Variants in TRPV4 observed in about 807,000 individuals in gnomAD.
TRPV4 encodes the protein transient receptor potential cation channel subfamily V member 4, also known as OSM9-like transient receptor potential channel 4.
A neutral mutation model predicts 84.1 loss-of-function variants in TRPV4; 58 were observed. The ratio of observed to expected loss-of-function variants is 0.69; its 90% CI spans 0.56 to 0.86. TRPV4 has a LOEUF of 0.86. Ranked by LOEUF, TRPV4 falls within the 40% of genes least tolerant of loss-of-function variation. The probability of loss-of-function intolerance (pLI) is 0.00; values close to 1 mark genes in which losing one functional copy is unlikely to be tolerated. For missense variants in TRPV4, 879 were observed against 1,181.1 expected (o/e 0.74, Z 3.75); for synonymous variants, 489 against 500.9 (o/e 0.98, Z 0.32).
chr12:109,800,576 C>A (rs1288196695), intron 5 of TRPV4, 42 bp downstream of exon 5: 1 of 1,612,732 alleles, frequency 6.2e-7, no homozygotes, highest in East Asian at 2.2e-5. Flanking sequence ...TCCCGCCATG[C>A]TTCTCCAGCA....
Position 109,796,758 on chromosome 12 carries a change from C to T in TRPV4, c.1153-54G>A. On this transcript the variant is annotated intron_variant, in intron 6 of 15. Transcript: ENST00000261740. This position sits in a 1 kb window ranked among gnomAD's most constrained non-coding sequence, Gnocchi z 4.2. ...GCTCACACTGGAAAGACCCCCAGGGCTGGGCCCAGCTCAGCACATGACGCC... is the reference window on the plus strand; with the variant it reads ...GCTCACACTGGAAAGACCCCCAGGGTTGGGCCCAGCTCAGCACATGACGCC... 1 of 1,564,592 alleles carries T rather than the reference C, an allele frequency of 6.4e-7. No individual in the cohort carries two copies. The highest frequency in any genetic ancestry group is 8.7e-7 in the Non-Finnish European group (1 of 1,153,882).
rs145784764 is a variant in TRPV4 at position 109,829,090 on chromosome 12, T to C, written c.-32+4260A>G. ...GGGAGGCTGAAGTAGGAGGATCTCTTGAGCCCAGGAGTTCGAGGCTGCTGT... is the reference window on the plus strand; with the variant it reads ...GGGAGGCTGAAGTAGGAGGATCTCTCGAGCCCAGGAGTTCGAGGCTGCTGT... On this transcript the variant is annotated intron_variant, in intron 1 of 15. Coordinates refer to ENST00000261740, the MANE Select transcript of TRPV4 (RefSeq NM_021625.5). 9.2e-4 allele frequency among the ~76,000 whole-genome samples: 140 copies of C among 152,194 alleles called. No homozygotes were observed. In the East Asian group the frequency reaches 0.01, roughly 11 times the overall value.
At chr12:109,811,345 G>A (rs1480214409) in intron 2 of TRPV4, among the ~76,000 whole-genome samples, 3 of 152,206 alleles carry the variant, frequency 2.0e-5, no homozygotes, top group Non-Finnish European at 2.9e-5. Flanking sequence ...CCACTGACTG[G>A]CAGACAGTGG....
chr12:109,800,904 A>G (rs1273765736), intron 4 of TRPV4, 146 bp from the exon 5 acceptor site: 7 of 748,408 alleles, frequency 9.4e-6, no homozygotes, highest in African/African-American at 6.8e-5. Context: ...AAGGGCAGCA[A>G]ATAGGTCCTT....
At chr12:109,809,213 T>C (rs1891354330) in intron 2 of TRPV4, among the ~76,000 whole-genome samples, 1 of 129,422 alleles carries the variant, frequency 7.7e-6, no homozygotes, top group African/African-American at 3.0e-5. Context: ...CGTCCATCAC[T>C]CATCCATCCA....
intron 3 of TRPV4, among the ~76,000 whole-genome samples, chr12:109,806,358 C>CTT (rs60159775): frequency 0.035 from 4,014 of 115,370 alleles, 197 homozygotes; most frequent in African/African-American, 0.097. Flanking sequence ...CTAAGCCTGG[C>CTT]TTTTTTTTTT....
intron 2 of TRPV4, among the ~76,000 whole-genome samples, chr12:109,810,884 C>T (rs1036674903): frequency 6.6e-6 from 1 of 152,156 alleles, no homozygotes; most frequent in Non-Finnish European, 1.5e-5. Context: ...CAGCTTTCAA[C>T]AGGACCTGGG....
At chr12:109,792,516 C>G in intron 11 of TRPV4, 87 bp from the exon 12 acceptor site, 1 of 1,570,796 alleles carries the variant, frequency 6.4e-7, no homozygotes, top group Non-Finnish European at 8.8e-7. Flanking sequence ...CCTGGTCCCA[C>G]CCCAGTGTCC....
At position 109,815,890 on chromosome 12, in the gene TRPV4, C is replaced by T. The variant is rs11068432; in HGVS notation, c.-31-1063G>A. ...ACTTGAACCATGTCTCTCTGGCTCC[C>T]GGGTCCAGTGCTTAGCCAGGAGCCA... On this transcript the variant is annotated intron_variant, in intron 1 of 15. Transcript: ENST00000261740. The surrounding 1 kb of genome is among the most constrained non-coding windows in gnomAD (Gnocchi z 4.1). Among the ~76,000 whole-genome samples, 16 of 152,240 alleles carry T rather than the reference C, an allele frequency of 1.1e-4. No individual in the cohort carries two copies. Among genetic ancestry groups the T allele is most frequent in the Admixed American group, 9.2e-4 (14 of 15,284 alleles).
Position 109,796,683 on chromosome 12 carries a change from G to T in TRPV4, c.1174C>A (p.Arg392=). The change falls in exon 7 of 16, where the codon CGG becomes AGG. Residue 392 remains arginine, a synonymous_variant. Transcript: ENST00000261740. The surrounding 1 kb of genome is among the most constrained non-coding windows in gnomAD (Gnocchi z 4.2). ...KIGIFQHIIR[R]EVTDEDTRHL... The stretch of plus-strand genomic sequence containing the variant: ...CGTGTGTCCTCATCCGTCACCTCCC[G>T]CCGGATGATGTGCTGAAAGATCTGC... 6.2e-7 allele frequency: 1 copy of T among 1,613,068 alleles called. No homozygotes were observed. The highest frequency in any genetic ancestry group is 8.5e-7 in the Non-Finnish European group (1 of 1,179,216).
At chr12:109,797,314 G>A (rs1890465291) in intron 6 of TRPV4, among the ~76,000 whole-genome samples, 1 of 152,092 alleles carries the variant, frequency 6.6e-6, no homozygotes, top group Non-Finnish European at 1.5e-5. Flanking sequence ...ATCACACCCA[G>A]CTAATATTTT....
At chr12:109,784,025 C>A (rs537661183) in intron 15 of TRPV4, among the ~76,000 whole-genome samples, 21 of 152,286 alleles carry the variant, frequency 1.4e-4, no homozygotes, top group African/African-American at 4.8e-4. Flanking sequence ...CCAGCTGCGT[C>A]TCGCGTGCTC....
Position 109,792,397 on chromosome 12 carries a change from G to C in TRPV4, c.1857C>G (p.Leu619=). The stretch of plus-strand genomic sequence containing the variant: ...AGCCGATCATGAAGAGCAAGTAGAC[G>C]AGCAGGAATCGGAAAAGGTCCTTGA... The part of the protein sequence containing the change: ...ILFKDLFRFL[L]VYLLFMIGYA... Residue 619 remains leucine, a synonymous_variant, in exon 12 of 16, where the codon CTC becomes CTG. Transcript: ENST00000261740. The C allele has an allele frequency of 6.2e-7, 1 of 1,613,896 alleles. No homozygotes were observed. The highest frequency in any genetic ancestry group is 1.1e-5 in the South Asian group (1 of 91,034).
chr12:109,800,733 A>T lies in TRPV4; in HGVS notation c.738T>A (p.Ile246=), dbSNP rs199816817. 1.2e-6 allele frequency: 2 copies of T among 1,613,444 alleles called. No homozygotes were observed. The highest frequency in any genetic ancestry group is 1.7e-5 in the Admixed American group (1 of 59,998). Residue 246 remains isoleucine, a synonymous_variant, in exon 5 of 16, where the codon ATT becomes ATA. Transcript: ENST00000261740. ...YRGQTALHIA[I]ERRCKHYVEL... is the part of the protein sequence containing the mutation. ...CCACGTAGTGTTTGCAGCGACGCTC[A>T]ATGGCGATGTGCAGGGCTGTCTGAC...
At chr12:109,828,164 CCT>C (rs956174767) in intron 1 of TRPV4, among the ~76,000 whole-genome samples, 6 of 152,338 alleles carry the variant, frequency 3.9e-5, no homozygotes, top group African/African-American at 1.4e-4. Context: ...CTGTCTGTCC[CCT>C]GAGCCCCCGC....
Position 109,783,283 on chromosome 12 carries a change from A to G in TRPV4, c.*338T>C. 3.6e-6 allele frequency: 1 copy of G among 277,622 alleles called. No homozygotes were observed. The allele number at this position is 277,622 out of a possible 1,614,324, so 17.2% of individuals were successfully genotyped here. On this transcript the variant is annotated 3_prime_UTR_variant, in exon 16 of 16. Transcript: ENST00000261740. The surrounding 1 kb of genome is among the most constrained non-coding windows in gnomAD (Gnocchi z 4.6). ...GCAGTGCACTTGGAACGGGGTCCTAAGGCCTCTGCCAGGTTCCAGCTGGGG... is the reference window on the plus strand; with the variant it reads ...GCAGTGCACTTGGAACGGGGTCCTAGGGCCTCTGCCAGGTTCCAGCTGGGG...
rs528674096 is a variant in TRPV4 at position 109,798,533 on chromosome 12, A to C, written c.1152+81T>G. The C allele has an allele frequency of 2.6e-5, 41 of 1,559,468 alleles. No homozygotes were observed. The African/African-American group carries it at 5.5e-4, about 21-fold the overall frequency. On this transcript the variant is annotated intron_variant, in intron 6 of 15. Transcript: ENST00000261740. This position sits in a 1 kb window ranked among gnomAD's most constrained non-coding sequence, Gnocchi z 5.0. ...GAGGTGCATGCACGTATTAATAATGAATACCAGCAGCAGACCCTCGTGTGT... is the reference window on the plus strand; with the variant it reads ...GAGGTGCATGCACGTATTAATAATGCATACCAGCAGCAGACCCTCGTGTGT...
intron 3 of TRPV4, among the ~76,000 whole-genome samples, chr12:109,804,150 G>A (rs1383546028): frequency 1.3e-5 from 2 of 152,192 alleles, no homozygotes; most frequent in African/African-American, 2.4e-5. Flanking sequence ...TCAACTCTCC[G>A]TTTGGTACTA....
At position 109,786,491 on chromosome 12, in the gene TRPV4, G is replaced by A. The variant is rs756904309; in HGVS notation, c.2336+219C>T. On this transcript the variant is annotated intron_variant, in intron 14 of 15. Transcript: ENST00000261740. The surrounding 1 kb of genome is among the most constrained non-coding windows in gnomAD (Gnocchi z 4.5). ...ATCCGCACCGCCAGCCTAGGAGCCC[G>A]TGAGATCATTGTCTCATTCCACAGA... Among the ~76,000 whole-genome samples the A allele has an allele frequency of 2.0e-4, 30 of 152,350 alleles. No homozygotes were observed. The highest frequency in any genetic ancestry group is 3.8e-4 in the Non-Finnish European group (26 of 68,032).
Sources: gnomAD v4.1 joint callset for allele counts (sites outside exome capture counted in the v4.1 genomes callset) on GRCh38, gnomAD v4.1.1 for gene constraint, Gnocchi (gnomAD v3.1) non-coding constraint, MANE v1.5 for transcripts, NCBI Gene and HGNC (gene_info 2026-07-23, HGNC 2026-07-21) for gene names.